The following TSC1 variants were observed in gnomAD, a reference collection of about 807,000 sequenced individuals.
TSC1 encodes the protein TSC complex subunit 1.
Under a neutral mutation model 124.3 loss-of-function variants are expected in TSC1, and 20 were observed. The observed-to-expected ratio is 0.16, with a 90% CI of 0.11 to 0.23. The LOEUF (loss-of-function observed/expected upper bound fraction) is 0.23, where lower values mean the gene tolerates loss of function less well. TSC1 is among the 10% of genes least tolerant of loss of function. The probability of loss-of-function intolerance (pLI) is 1.00; values close to 1 mark genes in which losing one functional copy is unlikely to be tolerated. For missense variants in TSC1, 1,124 were observed against 1,448.5 expected (o/e 0.78, Z 3.64); for synonymous variants, 493 against 539.1 (o/e 0.91, Z 1.19).
rs1060503227 is a variant in TSC1 at position 132,896,306 on chromosome 9, G to C, written c.3424C>G (p.Pro1142Ala). ...PLNLDGPHPSPPTPDSVGQLH... is the reference protein window; with the variant it reads ...PLNLDGPHPSAPTPDSVGQLH... ...TGTCCAACACTGTCCGGGGTCGGGGGAGACGGGTGAGGGCCATCTAGGTTC... is the reference window on the plus strand; with the variant it reads ...TGTCCAACACTGTCCGGGGTCGGGGCAGACGGGTGAGGGCCATCTAGGTTC... The change falls in exon 23 of 23, where the codon CCC (proline) becomes GCC (alanine). Residue 1142 changes from proline to alanine, a missense_variant. Physicochemically the swap from Pro to Ala is conservative, Grantham distance 27. Coordinates refer to ENST00000298552, the MANE Select transcript of TSC1 (RefSeq NM_000368.5). This position sits in a 1 kb window ranked among gnomAD's most constrained non-coding sequence, Gnocchi z 4.5. 20 of 1,614,192 alleles carry C rather than the reference G, an allele frequency of 1.2e-5. No individual in the cohort carries two copies. The highest frequency in any genetic ancestry group is 1.6e-5 in the Non-Finnish European group (19 of 1,180,038).
chr9:132,941,713 G>A (rs1209754419), intron 1 of TSC1: 1 of 152,148 alleles, frequency 6.6e-6, no homozygotes, highest in Non-Finnish European at 1.5e-5. Context: ...TAAAGGAAAG[G>A]ATAAATGATA....
chr9:132,897,569 T>C lies in TSC1; in HGVS notation c.2667A>G (p.Glu889=), dbSNP rs1554813546. 6.2e-7 allele frequency: 1 copy of C among 1,602,476 alleles called. No homozygotes were observed. The highest frequency in any genetic ancestry group is 8.5e-7 in the Non-Finnish European group (1 of 1,177,432). ...MMKAAYRKEL[E]KNRSHVLQQT... is the part of the protein sequence containing the mutation. ...GCTGGAGAACATGGCTTCTGTTTTT[T>C]TCTAGCTCTTTCCGATAGGCGGCTT... The change falls in exon 21 of 23, where the codon GAA becomes GAG. Residue 889 remains glutamate (E), a synonymous_variant. Transcript: ENST00000298552.
rs1845468174 is a variant in TSC1, at chr9:132,903,100, C to T, written c.2209-313G>A. 6.6e-6 allele frequency among the ~76,000 whole-genome samples: 1 copy of T among 152,200 alleles called. No homozygotes were observed. Among genetic ancestry groups the T allele is most frequent in the Non-Finnish European group, 1.5e-5 (1 of 68,040 alleles). ...AAACATGGTACTAAGTTCACTGAAA[C>T]GATGAGCATTTACTGAATGCTTGCA... On this transcript the variant is annotated intron_variant, in intron 17 of 22. Transcript: ENST00000298552. The surrounding 1 kb of genome is among the most constrained non-coding windows in gnomAD (Gnocchi z 5.9).
Position 132,927,190 on chromosome 9 carries a change from T to G in TSC1, c.210+11A>C. The stretch of plus-strand genomic sequence containing the variant: ...GAACATATGAAATGCCTATGATATT[T>G]CAGCCATTACCTTGTCATGTGGCTC... On this transcript the variant is annotated intron_variant, in intron 4 of 22. Transcript: ENST00000298552. The G allele has an allele frequency of 6.2e-7, 1 of 1,612,942 alleles. No individual in the cohort carries two copies. Among genetic ancestry groups the G allele is most frequent in the South Asian group, 1.1e-5 (1 of 90,814 alleles).
rs2131602692 is a variant in TSC1 at position 132,896,541 on chromosome 9, C to A, written c.3189G>T (p.Trp1063Cys). 1 of 1,614,200 alleles carries A rather than the reference C, an allele frequency of 6.2e-7. No individual in the cohort carries two copies. ...HQRAGPFSSRWETTMGEASAS... is the reference protein window; with the variant it reads ...HQRAGPFSSRCETTMGEASAS... ...CAGACGCTTCTCCCATAGTCGTCTCCCACCGACTGCTGAATGGGCCTGCCC... is the reference window on the plus strand; with the variant it reads ...CAGACGCTTCTCCCATAGTCGTCTCACACCGACTGCTGAATGGGCCTGCCC... Residue 1063 changes from tryptophan to cysteine, a missense_variant, in exon 23 of 23, where the codon TGG becomes TGT. Trp to Cys is a radical substitution (Grantham distance 215). This residue lies in a region of TSC1 where 325 missense variants were observed against 383.4 expected (regional missense o/e 0.85). Coordinates refer to ENST00000298552, the MANE Select transcript of TSC1 (RefSeq NM_000368.5). This position sits in a 1 kb window ranked among gnomAD's most constrained non-coding sequence, Gnocchi z 4.5.
rs751362258 is a variant in TSC1 at position 132,897,329 on chromosome 9, C to A, written c.2830G>T (p.Ala944Ser). 1.2e-6 allele frequency: 2 copies of A among 1,614,186 alleles called. No homozygotes were observed. The highest frequency in any genetic ancestry group is 1.7e-6 in the Non-Finnish European group (2 of 1,180,044). ...KLQARGQLQA[A>S]ESRYEAQKRI... Reference sequence around the variant, plus strand: ...TTCTGAGCCTCATACCTGCTCTCTGCGGCCTGCAGCTGTCCTCTGAAAGAT... The same window carrying A: ...TTCTGAGCCTCATACCTGCTCTCTGAGGCCTGCAGCTGTCCTCTGAAAGAT... Residue 944 changes from alanine to serine, a missense_variant, in exon 22 of 23, where the codon GCA (alanine) becomes TCA (serine). By Grantham distance (99) the Ala-to-Ser change is moderately conservative. Coordinates refer to ENST00000298552, the MANE Select transcript of TSC1 (RefSeq NM_000368.5).
At chr9:132,926,017 T>A in intron 4 of TSC1, 1 of 461,682 alleles carries the variant, frequency 2.2e-6, no homozygotes, top group South Asian at 2.1e-5. Context: ...AGCCCCTCAA[T>A]AACCAACAGT....
rs564930434 is a variant in TSC1, at chr9:132,927,004, T to C, written c.210+197A>G. 43 of 603,558 alleles carry C rather than the reference T, an allele frequency of 7.1e-5. 1 individual carries two copies. The highest frequency in any genetic ancestry group is 6.3e-4 in the African/African-American group (34 of 53,958). 37.4% of individuals were successfully genotyped at this position (603,558 alleles called of 1,614,324 possible). ...GATCTTTAACAGTCTCTGAAATATGTTTTATTTTGTAAACTTTTCAAGAAT... is the reference window on the plus strand; with the variant it reads ...GATCTTTAACAGTCTCTGAAATATGCTTTATTTTGTAAACTTTTCAAGAAT... On this transcript the variant is annotated intron_variant, in intron 4 of 22. Transcript: ENST00000298552.
intron 11 of TSC1, 32 bp downstream of exon 11, chr9:132,910,970 A>G (rs1343163082): frequency 6.3e-7 from 1 of 1,599,718 alleles, no homozygotes; most frequent in Admixed American, 1.7e-5. Flanking sequence ...GGCCAAAACC[A>G]ACTAATCAAA....
At chr9:132,932,684 C>T (rs998830742) in intron 2 of TSC1, among the ~76,000 whole-genome samples, 2 of 152,228 alleles carry the variant, frequency 1.3e-5, no homozygotes, top group African/African-American at 4.8e-5. Flanking sequence ...CTTCATTCCT[C>T]TGCTCTAGTC....
intron 5 of TSC1, chr9:132,924,877 G>C (rs1846766136): frequency 1.3e-5 from 2 of 152,660 alleles, no homozygotes; most frequent in African/African-American, 4.8e-5. Context: ...GCATGGTGCT[G>C]TAGCAGATGA....
chr9:132,926,448 C>T (rs1846867190), intron 4 of TSC1: 1 of 154,692 alleles, frequency 6.5e-6, no homozygotes, highest in African/African-American at 2.4e-5. Flanking sequence ...AATAACAATG[C>T]TTTATTAGCT....
intron 2 of TSC1, 81 bp from the exon 3 acceptor site, chr9:132,929,033 A>C: frequency 7.9e-7 from 1 of 1,259,848 alleles, no homozygotes; most frequent in Non-Finnish European, 1.1e-6. Flanking sequence ...AGACAAACTA[A>C]TGCACGTGTT....
chr9:132,942,467 T>C lies in TSC1; in HGVS notation c.-144+2076A>G, dbSNP rs531294634. The C allele has an allele frequency of 4.6e-5, 7 of 152,354 alleles. No individual in the cohort carries two copies. The East Asian group carries it at 1.2e-3, about 25-fold the overall frequency. 9.4% of individuals were successfully genotyped at this position (152,354 alleles called of 1,614,324 possible). ...ATAGAGGTATATATTAGATTTGCCC[T>C]AGTAAGACTGTTAAGTTTCATCTCA... On this transcript the variant is annotated intron_variant, in intron 1 of 22. Coordinates refer to ENST00000298552, the MANE Select transcript of TSC1 (RefSeq NM_000368.5).
Position 132,929,091 on chromosome 9 carries a change from T to G in TSC1, c.-80-139A>C, listed in dbSNP as rs1321973006. On this transcript the variant is annotated intron_variant, in intron 2 of 22. Coordinates refer to ENST00000298552, the MANE Select transcript of TSC1 (RefSeq NM_000368.5). ...AGAATTCTCTGATTCAAACAGTGAG[T>G]ACATTTAGCTGATAAAAGAAGATAA... is the stretch of plus-strand genomic sequence containing the variant. 3.7e-5 allele frequency: 24 copies of G among 652,416 alleles called. No individual in the cohort carries two copies. The East Asian group carries it at 7.1e-4, about 19-fold the overall frequency. The allele number at this position is 652,416 out of a possible 1,614,324, so 40.4% of individuals were successfully genotyped here. A position where few individuals can be genotyped will look rare whatever the true frequency, so the allele number is the denominator to read the frequency against.
rs1588288126 is a variant in TSC1 at position 132,896,703 on chromosome 9, T to C, written c.3027A>G (p.Glu1009=). Residue 1009 remains glutamate, a synonymous_variant, in exon 23 of 23, where the codon GAA becomes GAG. Transcript: ENST00000298552. The surrounding 1 kb of genome is among the most constrained non-coding windows in gnomAD (Gnocchi z 4.5). ...GCSDSMVGHN[E]EASGHNGETK... ...TCTCACCGTTGTGGCCAGATGCCTC[T>C]TCATTGTGCCCTACCATGGAATCTG... The C allele has an allele frequency of 3.1e-6, 5 of 1,614,028 alleles. No individual in the cohort carries two copies. Among genetic ancestry groups the C allele is most frequent in the Non-Finnish European group, 3.4e-6 (4 of 1,180,034 alleles).
At chr9:132,935,008 A>C (rs953490601) in intron 2 of TSC1, 25 bp downstream of exon 2, 19 of 398,968 alleles carry the variant, frequency 4.8e-5, no homozygotes, top group Non-Finnish European at 7.5e-5. Context: ...ATCTTCCTCT[A>C]ACCACTGGCC....
At chr9:132,944,645 G>A (rs973319396), upstream of TSC1, 6 of 398,694 alleles carry the variant, frequency 1.5e-5, no homozygotes, top group South Asian at 2.5e-4. Flanking sequence ...AAAGGGCCAA[G>A]GCCGACGGCG....
chr9:132,925,871 G>T, intron 4 of TSC1, 132 bp from the exon 5 acceptor site: 1 of 1,237,936 alleles, frequency 8.1e-7, no homozygotes, highest in Non-Finnish European at 1.1e-6. Flanking sequence ...CAGATAAAAG[G>T]TCAAATTCAA....
Sources: allele counts gnomAD v4.1 joint callset (sites outside exome capture counted in the v4.1 genomes callset), GRCh38; gene constraint gnomAD v4.1.1; regional missense constraint gnomAD v4.1.1; non-coding constraint Gnocchi (gnomAD v3.1); transcripts MANE v1.5; gene names NCBI Gene and HGNC (gene_info 2026-07-23, HGNC 2026-07-21).